Variants in MBD5 observed in about 807,000 individuals in gnomAD.
MBD5 encodes the protein methyl-CpG-binding domain protein 5.
In MBD5, 13 loss-of-function variants were observed where a neutral mutation model predicts 117.3. The ratio of observed to expected loss-of-function variants is 0.11; its 90% CI spans 0.07 to 0.18. The LOEUF (loss-of-function observed/expected upper bound fraction) is 0.18. Ranked by LOEUF, MBD5 falls within the 10% of genes least tolerant of loss-of-function variation. The pLI, the probability that MBD5 is intolerant of heterozygous loss-of-function variation, is 1.00. For missense variants in MBD5, 1,879 were observed against 2,093.8 expected (o/e 0.90, Z 2.00); for synonymous variants, 727 against 766.4 (o/e 0.95, Z 0.85).
intron 1 of MBD5, among the ~76,000 whole-genome samples, chr2:148,113,571 C>T (rs938992361): frequency 3.9e-5 from 6 of 152,088 alleles, no homozygotes; most frequent in African/African-American, 1.4e-4. Context: ...TCTCAATATA[C>T]CTTAGTCTGT....
chr2:148,415,164 G>A (rs181893763), intron 4 of MBD5, among the ~76,000 whole-genome samples: 2 of 152,240 alleles, frequency 1.3e-5, no homozygotes, highest in Admixed American at 1.3e-4. Flanking sequence ...AGATGAGGTG[G>A]TAGTGAATTC....
chr2:148,408,219 T>A lies in MBD5; in HGVS notation c.-556-49984T>A, dbSNP rs1006291933. Among the ~76,000 whole-genome samples, 16 of 152,308 alleles carry A rather than the reference T, an allele frequency of 1.1e-4. No homozygotes were observed. In the South Asian group the frequency reaches 3.1e-3, roughly 30 times the overall value. On this transcript the variant is annotated intron_variant, in intron 4 of 13. Transcript: ENST00000642680. ...TCTGCACCTTTGCTTCTGTATCAGG[T>A]TGCCATGGAAATTTTTTCATTAACA...
At chr2:148,292,982 A>G (rs1251257966) in intron 3 of MBD5, among the ~76,000 whole-genome samples, 4 of 152,074 alleles carry the variant, frequency 2.6e-5, no homozygotes, top group African/African-American at 4.8e-5. Flanking sequence ...ACAGAAAGAC[A>G]AACAAATGCA....
At chr2:148,386,128 A>T (rs542836879) in intron 4 of MBD5, among the ~76,000 whole-genome samples, 14 of 152,274 alleles carry the variant, frequency 9.2e-5, no homozygotes, top group African/African-American at 3.1e-4. Context: ...AAAAAAAAGA[A>T]AAAGAAAGGC....
intron 7 of MBD5, 26 bp downstream of exon 7, chr2:148,463,945 G>A: frequency 1.2e-6 from 2 of 1,610,476 alleles, no homozygotes; most frequent in South Asian, 1.1e-5. Flanking sequence ...AAAGGTTCAG[G>A]AATTCTCCTC....
intron 1 of MBD5, among the ~76,000 whole-genome samples, chr2:148,118,434 A>AT (rs1162352422): frequency 2.1e-4 from 32 of 150,016 alleles, no homozygotes; most frequent in African/African-American, 6.5e-4. Flanking sequence ...ACATAAAAAA[A>AT]AATATATATA....
chr2:148,200,151 A>G (rs1298300151), intron 2 of MBD5, among the ~76,000 whole-genome samples: 3 of 152,076 alleles, frequency 2.0e-5, no homozygotes. Context: ...TGACCATTCT[A>G]TTTTAAATTG....
intron 1 of MBD5, among the ~76,000 whole-genome samples, chr2:148,048,217 T>C (rs1694586974): frequency 6.6e-6 from 1 of 152,202 alleles, no homozygotes; most frequent in African/African-American, 2.4e-5. Context: ...GGATAATGCA[T>C]ACAAAGTTGT....
intron 3 of MBD5, among the ~76,000 whole-genome samples, chr2:148,241,328 A>T (rs1415863020): frequency 6.6e-6 from 1 of 152,196 alleles, no homozygotes; most frequent in African/African-American, 2.4e-5. Context: ...GTATAGGGAT[A>T]TAATATTTAC....
At chr2:148,507,014 A>G (rs1015552371) in intron 12 of MBD5, among the ~76,000 whole-genome samples, 2 of 152,204 alleles carry the variant, frequency 1.3e-5, no homozygotes, top group African/African-American at 4.8e-5. Context: ...CTCATGATAT[A>G]TACAAATAAT....
chr2:148,442,160 T>G (rs1706347224), intron 4 of MBD5, among the ~76,000 whole-genome samples: 1 of 151,524 alleles, frequency 6.6e-6, no homozygotes, highest in Non-Finnish European at 1.5e-5. Context: ...TTTTGGTGTT[T>G]TAGACCTGAA....
intron 2 of MBD5, among the ~76,000 whole-genome samples, chr2:148,189,255 A>G (rs1399716272): frequency 6.8e-6 from 1 of 147,568 alleles, no homozygotes; most frequent in African/African-American, 2.5e-5. Context: ...GGAGCCCACC[A>G]CAGCTCAAGG....
At position 148,127,740 on chromosome 2, in the gene MBD5, A is replaced by G. The variant is rs188034733; in HGVS notation, c.-924-50960A>G. Reference sequence around the variant, plus strand: ...CAGAATGATTTAAATTCTTTTGGGTATATACCCAGTAATGGGATTCCTGGG... The same window carrying G: ...CAGAATGATTTAAATTCTTTTGGGTGTATACCCAGTAATGGGATTCCTGGG... On this transcript the variant is annotated intron_variant, in intron 1 of 13. Coordinates refer to ENST00000642680, the MANE Select transcript of MBD5 (RefSeq NM_001378120.1). Among the ~76,000 whole-genome samples, 25 of 152,300 alleles carry G rather than the reference A, an allele frequency of 1.6e-4. No homozygotes were observed. The East Asian group carries it at 4.4e-3, about 27-fold the overall frequency.
At chr2:148,178,969 G>C (rs1698452315) in intron 2 of MBD5, among the ~76,000 whole-genome samples, 176 bp downstream of exon 2, 1 of 152,100 alleles carries the variant, frequency 6.6e-6, no homozygotes, top group Non-Finnish European at 1.5e-5. Flanking sequence ...CATCTTGACA[G>C]AAAGTATCAG....
chr2:148,177,718 A>T (rs542411021), intron 1 of MBD5, among the ~76,000 whole-genome samples: 2 of 152,284 alleles, frequency 1.3e-5, no homozygotes, highest in African/African-American at 4.8e-5. Context: ...GCCCTACCTC[A>T]TACTAATTAA....
intron 4 of MBD5, among the ~76,000 whole-genome samples, chr2:148,403,794 C>G (rs1704996795): frequency 6.6e-6 from 1 of 152,120 alleles, no homozygotes; most frequent in Admixed American, 6.5e-5. Context: ...GTCCCATGTG[C>G]AGATTCATGT....
intron 2 of MBD5, among the ~76,000 whole-genome samples, chr2:148,226,661 A>G (rs1340947011): frequency 2.6e-5 from 4 of 152,088 alleles, no homozygotes; most frequent in Non-Finnish European, 5.9e-5. Context: ...TGGTATTTCT[A>G]GTTCTAGATC....
chr2:148,075,956 T>G (rs1405760793), intron 1 of MBD5, among the ~76,000 whole-genome samples: 2 of 152,166 alleles, frequency 1.3e-5, no homozygotes, highest in African/African-American at 4.8e-5. Flanking sequence ...AAATAATTAG[T>G]TTGCAAGAAA....
At chr2:148,258,366 A>T (rs886781669) in intron 3 of MBD5, among the ~76,000 whole-genome samples, 1 of 152,122 alleles carries the variant, frequency 6.6e-6, no homozygotes, top group South Asian at 2.1e-4. Flanking sequence ...ATAACCCTCA[A>T]TGTAAGCAGG....
Sources: gnomAD v4.1 joint callset for allele counts (sites outside exome capture counted in the v4.1 genomes callset) on GRCh38, gnomAD v4.1.1 for gene constraint, MANE v1.5 for transcripts, NCBI Gene and HGNC (gene_info 2026-07-23, HGNC 2026-07-21) for gene names.